PLCH1: variants seen among roughly 807,000 people sequenced by gnomAD.
The protein encoded by PLCH1 is 1-phosphatidylinositol 4,5-bisphosphate phosphodiesterase eta-1.
Under a neutral mutation model 126.7 loss-of-function variants are expected in PLCH1, and 60 were observed. The observed-to-expected ratio is 0.47, with a 90% CI of 0.38 to 0.59. The LOEUF (loss-of-function observed/expected upper bound fraction) is 0.59. Among genes scored for constraint, PLCH1 ranks in the 20% least tolerant of loss-of-function variants. The pLI, the probability that PLCH1 is intolerant of heterozygous loss-of-function variation, is 0.00. For missense variants in PLCH1, 1,723 were observed against 2,040.0 expected (o/e 0.84, Z 2.99); for synonymous variants, 719 against 734.9 (o/e 0.98, Z 0.35).
intron 1 of PLCH1, among the ~76,000 whole-genome samples, chr3:155,741,011 G>A (rs1333954383): frequency 6.6e-6 from 1 of 152,148 alleles, no homozygotes; most frequent in Non-Finnish European, 1.5e-5. Context: ...CGTTATCTTG[G>A]TTGTCCCTTC....
At chr3:155,687,185 A>G (rs994202237) in intron 2 of PLCH1, among the ~76,000 whole-genome samples, 1 of 152,212 alleles carries the variant, frequency 6.6e-6, no homozygotes, top group African/African-American at 2.4e-5. Flanking sequence ...AAATTTATCA[A>G]TGAGAGAAAT....
chr3:155,719,168 T>A (rs1481432026), intron 1 of PLCH1, among the ~76,000 whole-genome samples: 1 of 152,172 alleles, frequency 6.6e-6, no homozygotes, highest in Middle Eastern at 3.2e-3. Flanking sequence ...CTCACCCTCC[T>A]TCTACCCTTT....
At chr3:155,712,197 C>G (rs1747171616) in intron 1 of PLCH1, among the ~76,000 whole-genome samples, 1 of 152,174 alleles carries the variant, frequency 6.6e-6, no homozygotes, top group Admixed American at 6.5e-5. Flanking sequence ...TTCTAACAAC[C>G]AACTCACAGG....
chr3:155,649,306 AC>A (rs1186127660), intron 2 of PLCH1, among the ~76,000 whole-genome samples: 1 of 152,094 alleles, frequency 6.6e-6, no homozygotes, highest in Non-Finnish European at 1.5e-5. Flanking sequence ...TCAATTCCAG[AC>A]TCGCCTCCAC....
rs1351644304 is a variant in PLCH1, at chr3:155,494,134, T to C, written c.2182+7A>G. 4 of 1,602,072 alleles carry C rather than the reference T, an allele frequency of 2.5e-6. No individual in the cohort carries two copies. Among genetic ancestry groups the C allele is most frequent in the Non-Finnish European group, 3.4e-6 (4 of 1,169,198 alleles). The stretch of plus-strand genomic sequence containing the variant: ...CCTGCATTTATGACTATGAAATTAA[T>C]ACACACCTTTGCACATTTGCTGGGG... On this transcript the variant is annotated splice_region_variant and intron_variant, in intron 17 of 22. Coordinates refer to ENST00000460012, the MANE Select transcript of PLCH1 (RefSeq NM_014996.4).
intron 10 of PLCH1, among the ~76,000 whole-genome samples, chr3:155,542,355 G>A (rs1343226778): frequency 1.3e-5 from 2 of 152,180 alleles, no homozygotes; most frequent in Non-Finnish European, 1.5e-5. Context: ...CATTGCCCAG[G>A]CTTGCTTAGG....
At chr3:155,692,937 C>T (rs1042984291) in intron 2 of PLCH1, among the ~76,000 whole-genome samples, 2 of 151,986 alleles carry the variant, frequency 1.3e-5, no homozygotes, top group African/African-American at 4.8e-5. Flanking sequence ...CGCACGCTGC[C>T]ACGCCCGGCT....
intron 2 of PLCH1, among the ~76,000 whole-genome samples, chr3:155,654,360 G>A (rs766270995): frequency 6.6e-6 from 1 of 151,866 alleles, no homozygotes; most frequent in Admixed American, 6.6e-5. Flanking sequence ...TTTTAAATAC[G>A]TGATGATTCC....
intron 2 of PLCH1, among the ~76,000 whole-genome samples, chr3:155,665,192 C>T (rs1000715366): frequency 6.6e-6 from 1 of 152,116 alleles, no homozygotes; most frequent in Non-Finnish European, 1.5e-5. Context: ...CAGAAGCAGC[C>T]TGGGCCGCTG....
Position 155,482,777 on chromosome 3 carries a change from A to T in PLCH1, c.3249T>A (p.Ala1083=). 6.2e-7 allele frequency: 1 copy of T among 1,614,112 alleles called. No homozygotes were observed. The highest frequency in any genetic ancestry group is 8.5e-7 in the Non-Finnish European group (1 of 1,180,004). The change falls in exon 23 of 23, where the codon GCT becomes GCA. Residue 1083 remains alanine, a synonymous_variant. Coordinates refer to ENST00000460012, the MANE Select transcript of PLCH1 (RefSeq NM_014996.4). The stretch of plus-strand genomic sequence containing the variant: ...GTGTGGGGTTAACTACAGGATCGGG[A>T]GCCAAATGCTGCTTTGGGGAGAGAG... ...SKSLSPKQHL[A]PDPVVNPTQD...
In PLCH1 at chr3:155,532,939, A is replaced by G. The variant is rs137956598; in HGVS notation, c.1363-8935T>C. Among the ~76,000 whole-genome samples, 449 of 152,318 alleles carry G rather than the reference A, an allele frequency of 2.9e-3. 1 individual carries two copies. The highest frequency in any genetic ancestry group is 0.019 in the South Asian group (93 of 4,822). On this transcript the variant is annotated intron_variant, in intron 10 of 22. Transcript: ENST00000460012. ...GTTGGAACAGTTTGGAGGGCTCAGA[A>G]GAAGATAGGAAGATATGGGAAGGTT...
chr3:155,481,079 G>A lies in PLCH1; in HGVS notation c.4947C>T (p.Cys1649=), dbSNP rs1422258191. ...LEGRGIPEGA[C]TALHYGHVDQ... ...CAACGTGGCCATAGTGAAGAGCCGT[G>A]CATGCCCCCTCTGGGATGCCCCGGC... Residue 1649 remains cysteine (C), a synonymous_variant, in exon 23 of 23, where the codon TGC becomes TGT. Transcript: ENST00000460012. This position sits in a 1 kb window ranked among gnomAD's most constrained non-coding sequence, Gnocchi z 4.2. 2 of 1,614,212 alleles carry A rather than the reference G, an allele frequency of 1.2e-6. No individual in the cohort carries two copies. The highest frequency in any genetic ancestry group is 1.7e-5 in the Admixed American group (1 of 60,034).
intron 21 of PLCH1, among the ~76,000 whole-genome samples, chr3:155,463,901 A>G (rs930568613): frequency 6.6e-6 from 1 of 152,158 alleles, no homozygotes; most frequent in African/African-American, 2.4e-5. Context: ...TAGACTGTTT[A>G]CTCTCACATT....
intron 6 of PLCH1, among the ~76,000 whole-genome samples, chr3:155,571,785 T>C (rs1304689181): frequency 1.3e-5 from 2 of 152,244 alleles, no homozygotes; most frequent in Non-Finnish European, 2.9e-5. Context: ...GATATTAAGT[T>C]AGATCTTTAA....
intron 10 of PLCH1, among the ~76,000 whole-genome samples, chr3:155,528,776 A>G (rs993167595): frequency 5.3e-5 from 8 of 152,226 alleles, no homozygotes; most frequent in Non-Finnish European, 8.8e-5. Context: ...GCAGGTAAGG[A>G]CACAGAACTA....
At chr3:155,596,854 C>CT (rs1733045888) in intron 2 of PLCH1, among the ~76,000 whole-genome samples, 1 of 152,168 alleles carries the variant, frequency 6.6e-6, no homozygotes, top group African/African-American at 2.4e-5. Flanking sequence ...ATTCATGTTA[C>CT]ATATTTGTGA....
At chr3:155,509,025 T>A (rs1415602313) in intron 12 of PLCH1, among the ~76,000 whole-genome samples, 2 of 135,548 alleles carry the variant, frequency 1.5e-5, no homozygotes, top group African/African-American at 3.2e-5. Flanking sequence ...ATTGCCACAA[T>A]TTCAGAGCCT....
intron 21 of PLCH1, chr3:155,457,117 G>A (rs1056722223): frequency 6.6e-6 from 1 of 152,336 alleles, no homozygotes; most frequent in Non-Finnish European, 1.5e-5. Context: ...GGACACTGTG[G>A]CGCACAAACC....
intron 2 of PLCH1, among the ~76,000 whole-genome samples, chr3:155,632,310 C>T (rs901146545): frequency 1.3e-5 from 2 of 152,116 alleles, no homozygotes; most frequent in Admixed American, 6.5e-5. Context: ...CCTATATCTC[C>T]ATATCAAGAA....
Sources: allele counts gnomAD v4.1 joint callset (sites outside exome capture counted in the v4.1 genomes callset), GRCh38; gene constraint gnomAD v4.1.1; non-coding constraint Gnocchi (gnomAD v3.1); transcripts MANE v1.5; gene names NCBI Gene and HGNC (gene_info 2026-07-23, HGNC 2026-07-21).